Variants in PTPN9 observed in about 807,000 individuals in gnomAD.
PTPN9 encodes protein tyrosine phosphatase non-receptor type 9, also known as tyrosine-protein phosphatase non-receptor type 9.
PTPN9 carries 26 observed loss-of-function variants against 69.8 expected under a neutral mutation model. The ratio of observed to expected loss-of-function variants is 0.37; its 90% CI spans 0.27 to 0.52. The LOEUF is 0.52. Ranked by LOEUF, PTPN9 falls within the 20% of genes least tolerant of loss-of-function variation. The pLI is 0.91. For synonymous variants in PTPN9, 274 were observed against 272.5 expected, an observed-to-expected ratio of 1.01 and a Z score of -0.05; for missense variants, 549 against 740.3, an observed-to-expected ratio of 0.74 and a Z score of 3.00.
intron 1 of PTPN9, among the ~76,000 whole-genome samples, chr15:75,556,706 TA>T (rs1290785360): frequency 4.6e-5 from 7 of 152,196 alleles, no homozygotes; most frequent in Non-Finnish European, 1.0e-4. Flanking sequence ...AAAATATACC[TA>T]ACAATATTTA....
At chr15:75,478,518 C>G (rs1292511406) in intron 9 of PTPN9, among the ~76,000 whole-genome samples, 1 of 151,892 alleles carries the variant, frequency 6.6e-6, no homozygotes, top group Non-Finnish European at 1.5e-5. Flanking sequence ...TGATACTCCC[C>G]CCTCAGCCTC....
At chr15:75,503,233 G>C (rs954594815) in intron 7 of PTPN9, among the ~76,000 whole-genome samples, 18 of 150,502 alleles carry the variant, frequency 1.2e-4, no homozygotes, top group Non-Finnish European at 2.7e-4. Flanking sequence ...GAAGTGAGGA[G>C]CATCTCTGCC....
At position 75,489,547 on chromosome 15, in the gene PTPN9, G is replaced by A. The variant is rs2074697942; in HGVS notation, c.1062+661C>T. Among the ~76,000 whole-genome samples the A allele has an allele frequency of 2.0e-5, 3 of 152,050 alleles. No individual in the cohort carries two copies. In the South Asian group the frequency reaches 6.2e-4, roughly 32 times the overall value. On this transcript the variant is annotated intron_variant, in intron 8 of 12. Coordinates refer to ENST00000618819, the MANE Select transcript of PTPN9 (RefSeq NM_002833.4). ...AAGGTTGCAGTGAGCTGTGATCACT[G>A]TACCTAGCCTGGGCAATAAAGCAAG...
chr15:75,515,104 G>A (rs1336486600), intron 5 of PTPN9, among the ~76,000 whole-genome samples: 1 of 152,128 alleles, frequency 6.6e-6, no homozygotes, highest in African/African-American at 2.4e-5. Flanking sequence ...AAAATTAGTA[G>A]GAGAGCAGGG....
intron 1 of PTPN9, among the ~76,000 whole-genome samples, chr15:75,562,369 A>G (rs2075107628): frequency 6.6e-6 from 1 of 152,216 alleles, no homozygotes; most frequent in Admixed American, 6.6e-5. Flanking sequence ...GAAACCAGGA[A>G]TGTTGAACCC....
chr15:75,473,942 G>A (rs145506231), intron 9 of PTPN9, among the ~76,000 whole-genome samples, 175 bp from the exon 10 acceptor site: 79 of 152,172 alleles, frequency 5.2e-4, no homozygotes, highest in African/African-American at 1.8e-3. Context: ...CACCAGCATC[G>A]TATGGGAGAG....
Position 75,566,274 on chromosome 15 carries a change from A to G in PTPN9, c.63+12440T>C, listed in dbSNP as rs149298657. On this transcript the variant is annotated intron_variant, in intron 1 of 12. Transcript: ENST00000618819. ...TACTTATAAATCTTCTAGTTTATAA[A>G]AAGGCCAGATTTGCAATAATATTAA... 2.5e-3 allele frequency among the ~76,000 whole-genome samples: 383 copies of G among 152,346 alleles called. 6 individuals are homozygous for G. Among genetic ancestry groups the G allele is most frequent in the Admixed American group, 0.023 (357 of 15,286 alleles).
intron 7 of PTPN9, among the ~76,000 whole-genome samples, chr15:75,503,893 C>T (rs1253794328): frequency 9.6e-6 from 1 of 104,580 alleles, no homozygotes; most frequent in African/African-American, 3.8e-5. Context: ...CCGCCCCGTC[C>T]GGGAGGGAGG....
At chr15:75,482,910 G>A (rs1318212574) in intron 8 of PTPN9, among the ~76,000 whole-genome samples, 5 of 151,760 alleles carry the variant, frequency 3.3e-5, no homozygotes, top group Non-Finnish European at 5.9e-5. Flanking sequence ...AGCTGAGATC[G>A]TGCCACTGCA....
chr15:75,538,017 C>A (rs2074992499), intron 1 of PTPN9, among the ~76,000 whole-genome samples: 1 of 151,930 alleles, frequency 6.6e-6, no homozygotes, highest in Non-Finnish European at 1.5e-5. Flanking sequence ...CAAGATTGTG[C>A]CACTGTACTC....
rs144879221 is a variant in PTPN9, at chr15:75,468,765, A to G, written c.*4T>C. Reference sequence around the variant, plus strand: ...GGCCAACAGGTAGGAGGTTCGTAGGAGAGTTACTGACTCTCCACGGCCAGC... The same window carrying G: ...GGCCAACAGGTAGGAGGTTCGTAGGGGAGTTACTGACTCTCCACGGCCAGC... On this transcript the variant is annotated 3_prime_UTR_variant, in exon 13 of 13. Coordinates refer to ENST00000618819, the MANE Select transcript of PTPN9 (RefSeq NM_002833.4). The G allele has an allele frequency of 3.6e-5, 58 of 1,613,026 alleles. 1 individual carries two copies. In the East Asian group the frequency reaches 1.3e-3, roughly 36 times the overall value.
At chr15:75,469,730 T>G in intron 12 of PTPN9, 62 bp downstream of exon 12, 1 of 1,552,476 alleles carries the variant, frequency 6.4e-7, no homozygotes, top group Non-Finnish European at 8.9e-7. Flanking sequence ...CTAAGAGCTT[T>G]GTTTTTCCTC....
chr15:75,478,264 C>T (rs1382542800), intron 9 of PTPN9, among the ~76,000 whole-genome samples: 1 of 152,062 alleles, frequency 6.6e-6, no homozygotes, highest in Admixed American at 6.6e-5. Flanking sequence ...TGCCACCACG[C>T]CCGGCTAATT....
chr15:75,504,324 C>A, intron 7 of PTPN9, among the ~76,000 whole-genome samples: 1 of 124,444 alleles, frequency 8.0e-6, no homozygotes, highest in Admixed American at 7.6e-5. Flanking sequence ...CCCAGCCGCC[C>A]CTACTGGGAA....
chr15:75,573,997 C>T (rs2075160390), intron 1 of PTPN9, among the ~76,000 whole-genome samples: 1 of 152,016 alleles, frequency 6.6e-6, no homozygotes, highest in Admixed American at 6.6e-5. Flanking sequence ...CTGCAAAGAC[C>T]CTGTAAGCAG....
intron 1 of PTPN9, among the ~76,000 whole-genome samples, chr15:75,537,694 G>A (rs1044643415): frequency 3.5e-5 from 5 of 141,474 alleles, no homozygotes; most frequent in Non-Finnish European, 6.0e-5. Context: ...GGCGGAGGTT[G>A]CAGTGAGCCG....
chr15:75,507,782 C>T (rs766686416), intron 6 of PTPN9, among the ~76,000 whole-genome samples: 3 of 147,966 alleles, frequency 2.0e-5, no homozygotes, highest in Non-Finnish European at 4.5e-5. Flanking sequence ...AGGTGGCTCA[C>T]GCTTGTAATC....
chr15:75,522,985 G>T, intron 4 of PTPN9, 136 bp downstream of exon 4: 1 of 1,035,964 alleles, frequency 9.7e-7, no homozygotes, highest in Non-Finnish European at 1.4e-6. Flanking sequence ...AAAGGACATG[G>T]ATTGTTTTCT....
chr15:75,568,007 A>G (rs2075133784), intron 1 of PTPN9, among the ~76,000 whole-genome samples: 1 of 151,950 alleles, frequency 6.6e-6, no homozygotes, highest in Admixed American at 6.6e-5. Context: ...AAAAAAAAAA[A>G]AAAGAAAACA....
Sources: gnomAD v4.1 joint callset for allele counts (sites outside exome capture counted in the v4.1 genomes callset) on GRCh38, gnomAD v4.1.1 for gene constraint, MANE v1.5 for transcripts, NCBI Gene and HGNC (gene_info 2026-07-23, HGNC 2026-07-21) for gene names.